OR1L8: variants seen among roughly 807,000 people sequenced by gnomAD.
OR1L8 encodes the protein olfactory receptor family 1 subfamily L member 8.
For missense variants in OR1L8, 330 were observed against 377.4 expected (o/e 0.87, Z 1.04); for synonymous variants, 148 against 147.0 (o/e 1.01, Z -0.05).
At chr9:122,560,111 T>C in the OR1L8 span, among the ~76,000 whole-genome samples, 1 of 152,326 alleles carries the variant, frequency 6.6e-6, no homozygotes, top group South Asian at 2.1e-4. Flanking sequence ...TTTATTTTTG[T>C]TGGTTTAAAA....
chr9:122,551,832 G>T, the OR1L8 span, among the ~76,000 whole-genome samples: 1 of 152,032 alleles, frequency 6.6e-6, no homozygotes, highest in African/African-American at 2.4e-5. Flanking sequence ...TTATGCCCGG[G>T]GAAGCTGAAA....
downstream of OR1L8, among the ~76,000 whole-genome samples, chr9:122,563,365 C>T (rs4836893): frequency 0.58 from 88,373 of 151,964 alleles, 26,204 homozygotes; most frequent in East Asian, 0.97. Flanking sequence ...ATTAGTGATA[C>T]TGAGCATTTT....
rs565858147 is a variant in OR1L8, at chr9:122,572,913, T to C, written c.-341-5A>G. Reference sequence around the variant, plus strand: ...TTTCTCCTCTGAACTTCTGGACTAATTAGCAAGGAGGGAAGAACTGAAACA... The same window carrying C: ...TTTCTCCTCTGAACTTCTGGACTAACTAGCAAGGAGGGAAGAACTGAAACA... On this transcript the variant is annotated splice_region_variant and splice_polypyrimidine_tract_variant and intron_variant, in intron 3 of 4. Transcript: ENST00000641027. 6.6e-6 allele frequency: 1 copy of C among 152,354 alleles called. No individual in the cohort carries two copies. Among genetic ancestry groups the C allele is most frequent in the East Asian group, 1.9e-4 (1 of 5,188 alleles). 9.4% of individuals were successfully genotyped at this position (152,354 alleles called of 1,614,324 possible).
At chr9:122,552,281 C>T in the OR1L8 span, among the ~76,000 whole-genome samples, 1 of 152,162 alleles carries the variant, frequency 6.6e-6, no homozygotes, top group Non-Finnish European at 1.5e-5. Context: ...CTCCTACCAG[C>T]TCACTAGGGC....
At chr9:122,553,715 C>G in the OR1L8 span, 4 of 1,614,010 alleles carry the variant, frequency 2.5e-6, no homozygotes, top group Non-Finnish European at 3.4e-6. Flanking sequence ...TGCTGACCCG[C>G]GTGGCTTTCT....
At chr9:122,570,004 T>G (rs1440515087) in intron 4 of OR1L8, among the ~76,000 whole-genome samples, 1 of 149,760 alleles carries the variant, frequency 6.7e-6, no homozygotes, top group African/African-American at 2.5e-5. Flanking sequence ...ACAAAGGACA[T>G]GAACTCATCA....
At chr9:122,553,799 T>C in the OR1L8 span, 10 of 1,613,952 alleles carry the variant, frequency 6.2e-6, no homozygotes, top group Non-Finnish European at 8.5e-6. Flanking sequence ...CAGATACCCA[T>C]GTAAACGAGC....
chr9:122,560,233 A>G, the OR1L8 span, among the ~76,000 whole-genome samples: 1 of 151,940 alleles, frequency 6.6e-6, no homozygotes, highest in Non-Finnish European at 1.5e-5. Context: ...TTTGCACGTG[A>G]GATGGATCTC....
intron 3 of OR1L8, among the ~76,000 whole-genome samples, chr9:122,575,208 G>A (rs1829631814): frequency 1.3e-5 from 2 of 152,052 alleles, no homozygotes; most frequent in South Asian, 4.1e-4. Context: ...TTCGTAGAAT[G>A]AATTAGAAAG....
At chr9:122,568,998 T>C (rs1212360911) in intron 4 of OR1L8, among the ~76,000 whole-genome samples, 1 of 152,138 alleles carries the variant, frequency 6.6e-6, no homozygotes, top group East Asian at 1.9e-4. Context: ...CAGGACACTC[T>C]TTCCCTATCA....
rs776275170 is a variant in OR1L8 at position 122,568,316 on chromosome 9, G to A, written c.162C>T (p.Pro54=). The A allele has an allele frequency of 6.2e-7, 1 of 1,614,136 alleles. No homozygotes were observed. The highest frequency in any genetic ancestry group is 1.7e-5 in the Admixed American group (1 of 60,018). Residue 54 remains proline (P), a synonymous_variant, in exon 5 of 5, where the codon CCC becomes CCT. Coordinates refer to ENST00000641027, the MANE Select transcript of OR1L8 (RefSeq NM_001004454.2). ...LLIILAIRFN[P]HLQTPMYFFL... ...AGAAATACATAGGGGTCTGAAGATG[G>A]GGGTTGAAGCGAATGGCCAGGATGA...
chr9:122,553,726 G>C, the OR1L8 span: 1 of 1,613,400 alleles, frequency 6.2e-7, no homozygotes, highest in Non-Finnish European at 8.5e-7. Context: ...GTGGCTTTCT[G>C]TGCCCAGAAA....
At chr9:122,572,991 C>T (rs7042041) in intron 3 of OR1L8, 83 bp from the exon 4 acceptor site, 95,092 of 152,188 alleles carry the variant, frequency 0.62, 29,898 homozygotes, top group African/African-American at 0.66. Flanking sequence ...TCCCTGTTTC[C>T]TTCCTAATCT....
Position 122,567,527 on chromosome 9 carries a change from A to G in OR1L8, c.*21T>C. 6.6e-7 allele frequency: 1 copy of G among 1,516,148 alleles called. No homozygotes were observed. Among genetic ancestry groups the G allele is most frequent in the Non-Finnish European group, 8.9e-7 (1 of 1,126,002 alleles). The allele number at this position is 1,516,148 out of a possible 1,614,324, so 93.9% of individuals were successfully genotyped here. ...CCAAGTTGAGCAGATTCCACTTACG[A>G]GTTTTTCAAGAGGGTGCTTCCTAGG... On this transcript the variant is annotated 3_prime_UTR_variant, in exon 5 of 5. Coordinates refer to ENST00000641027, the MANE Select transcript of OR1L8 (RefSeq NM_001004454.2).
downstream of OR1L8, among the ~76,000 whole-genome samples, chr9:122,563,746 G>T (rs1387793218): frequency 6.6e-6 from 1 of 152,186 alleles, no homozygotes; most frequent in South Asian, 2.1e-4. Flanking sequence ...ATAGTTTCAG[G>T]TCTTACAGTC....
At chr9:122,550,663 A>C in the OR1L8 span, among the ~76,000 whole-genome samples, 1 of 152,138 alleles carries the variant, frequency 6.6e-6, no homozygotes, top group Non-Finnish European at 1.5e-5. Flanking sequence ...TAATCATCTC[A>C]ATAGATATAG....
intron 1 of OR1L8, among the ~76,000 whole-genome samples, chr9:122,581,747 G>GACCA (rs887346613): frequency 6.6e-6 from 1 of 151,990 alleles, no homozygotes; most frequent in African/African-American, 2.4e-5. Context: ...AGGAGTTTGA[G>GACCA]ACCAGCCTGG....
the OR1L8 span, among the ~76,000 whole-genome samples, chr9:122,548,729 G>A: frequency 6.8e-6 from 1 of 147,392 alleles, no homozygotes; most frequent in Admixed American, 6.8e-5. Flanking sequence ...ATCTCCTAAT[G>A]CTATCCCTCC....
the OR1L8 span, among the ~76,000 whole-genome samples, chr9:122,561,441 G>A: frequency 3.3e-5 from 5 of 152,062 alleles, no homozygotes; most frequent in East Asian, 9.6e-4. Flanking sequence ...GATTTTCAGC[G>A]TTTTTTCGTT....
Sources: gnomAD v4.1 joint callset for allele counts (sites outside exome capture counted in the v4.1 genomes callset) on GRCh38, gnomAD v4.1.1 for gene constraint, MANE v1.5 for transcripts, NCBI Gene and HGNC (gene_info 2026-07-23, HGNC 2026-07-21) for gene names.